BOC: variants seen among roughly 807,000 people sequenced by gnomAD.
The protein encoded by BOC is brother of CDO.
In BOC, 76 loss-of-function variants were observed where a neutral mutation model predicts 112.0. The observed-to-expected ratio is 0.68, with a 90% CI of 0.56 to 0.82. The LOEUF is 0.82. BOC is among the 40% of genes least tolerant of loss of function. The pLI is 0.00. For missense variants in BOC, 1,309 were observed against 1,511.7 expected, an observed-to-expected ratio of 0.87 and a Z score of 2.22; for synonymous variants, 580 against 599.8, an observed-to-expected ratio of 0.97 and a Z score of 0.48.
chr3:113,266,301 C>T (rs538844885), intron 4 of BOC, among the ~76,000 whole-genome samples: 122 of 152,268 alleles, frequency 8.0e-4, no homozygotes, highest in African/African-American at 2.7e-3. Context: ...GTGAAATAAG[C>T]ACATCATGGA....
At chr3:113,268,625 G>A (rs1947781220) in intron 5 of BOC, among the ~76,000 whole-genome samples, 180 bp downstream of exon 5, 2 of 152,054 alleles carry the variant, frequency 1.3e-5, no homozygotes, top group Admixed American at 1.3e-4. Context: ...TTCCTTTTAA[G>A]AGACAGGATC....
chr3:113,245,970 T>C (rs1029560466), intron 2 of BOC, among the ~76,000 whole-genome samples: 1 of 152,198 alleles, frequency 6.6e-6, no homozygotes, highest in Non-Finnish European at 1.5e-5. Context: ...CCAGCCCTCT[T>C]GGGAGGAAGT....
In BOC at chr3:113,266,215, TTGTG is replaced by T. The variant is rs144065459; in HGVS notation, c.377-2073_377-2070del. Among the ~76,000 whole-genome samples, 11 of 152,102 alleles carry T rather than the reference TTGTG, an allele frequency of 7.2e-5. No individual in the cohort carries two copies. The South Asian group carries it at 2.3e-3, about 32-fold the overall frequency. ...GCCAATCTCTGTTTTTTGTTAAGTT[TTGTG>T]TGTGTGTGTGGGTACATAGTATGTG... On this transcript the variant is annotated intron_variant, in intron 4 of 19. Coordinates refer to ENST00000682979, the MANE Select transcript of BOC (RefSeq NM_001378074.1).
chr3:113,232,068 G>T (rs1942700631), intron 2 of BOC, among the ~76,000 whole-genome samples: 1 of 152,046 alleles, frequency 6.6e-6, no homozygotes, highest in African/African-American at 2.4e-5. Context: ...CTTTGCAACT[G>T]GTGGAGCCTA....
chr3:113,282,210 T>C (rs1357179474), intron 15 of BOC, among the ~76,000 whole-genome samples: 1 of 151,964 alleles, frequency 6.6e-6, no homozygotes, highest in African/African-American at 2.4e-5. Flanking sequence ...CTGGAGGCTG[T>C]GAGGTGGAGG....
At chr3:113,259,088 TC>T (rs1946534661) in intron 4 of BOC, among the ~76,000 whole-genome samples, 1 of 152,160 alleles carries the variant, frequency 6.6e-6, no homozygotes, top group South Asian at 2.1e-4. Flanking sequence ...CCCAGACAGA[TC>T]CGTGGTGTAA....
chr3:113,237,167 CAT>C (rs1313025714), intron 2 of BOC, among the ~76,000 whole-genome samples: 1 of 152,126 alleles, frequency 6.6e-6, no homozygotes, highest in Non-Finnish European at 1.5e-5. Context: ...GTTTTGATAA[CAT>C]ATAAAATGGA....
Position 113,283,861 on chromosome 3 carries a change from C to T in BOC, c.2656+229C>T, listed in dbSNP as rs58508288. Among the ~76,000 whole-genome samples the T allele has an allele frequency of 5.8e-3, 875 of 151,772 alleles. 6 individuals are homozygous for T. The highest frequency in any genetic ancestry group is 0.02 in the African/African-American group (836 of 41,368). ...CTGTCTTCTCTGCACCTTTGGAGCTCGGGACCTATGTTGTGCCATCTTCTG... is the reference window on the plus strand; with the variant it reads ...CTGTCTTCTCTGCACCTTTGGAGCTTGGGACCTATGTTGTGCCATCTTCTG... On this transcript the variant is annotated intron_variant, in intron 16 of 19. Coordinates refer to ENST00000682979, the MANE Select transcript of BOC (RefSeq NM_001378074.1).
At chr3:113,259,061 T>C (rs1253304303) in intron 4 of BOC, among the ~76,000 whole-genome samples, 1 of 152,226 alleles carries the variant, frequency 6.6e-6, no homozygotes, top group South Asian at 2.1e-4. Flanking sequence ...CTAGTCCTAT[T>C]AGCCCTGGTG....
chr3:113,284,572 C>T lies in BOC; in HGVS notation c.2889+5C>T, dbSNP rs762844014. On this transcript the variant is annotated splice_donor_5th_base_variant and intron_variant, in intron 17 of 19. Coordinates refer to ENST00000682979, the MANE Select transcript of BOC (RefSeq NM_001378074.1). Reference sequence around the variant, plus strand: ...TGCCCAGGCGAGCTTCAGCAGGTAGCGCATTCTTGGGTGTGGGCGGCAGGT... The same window carrying T: ...TGCCCAGGCGAGCTTCAGCAGGTAGTGCATTCTTGGGTGTGGGCGGCAGGT... The T allele has an allele frequency of 1.8e-5, 29 of 1,608,544 alleles. No homozygotes were observed. The highest frequency in any genetic ancestry group is 3.3e-5 in the South Asian group (3 of 90,410).
intron 4 of BOC, among the ~76,000 whole-genome samples, chr3:113,259,603 G>T (rs1946596174): frequency 6.6e-6 from 1 of 152,114 alleles, no homozygotes; most frequent in East Asian, 1.9e-4. Flanking sequence ...TTTCTACTTT[G>T]ACTTTGTTTT....
intron 4 of BOC, among the ~76,000 whole-genome samples, chr3:113,263,937 A>C (rs577828417): frequency 2.0e-5 from 3 of 152,352 alleles, no homozygotes; most frequent in African/African-American, 7.2e-5. Flanking sequence ...TTGAATGTGA[A>C]GAGAACACAG....
chr3:113,256,737 A>G (rs1946264188), intron 4 of BOC, among the ~76,000 whole-genome samples: 1 of 151,724 alleles, frequency 6.6e-6, no homozygotes, highest in Non-Finnish European at 1.5e-5. Flanking sequence ...CCAGAGAAGC[A>G]GAACCAATAA....
At chr3:113,261,415 C>G (rs914224884) in intron 4 of BOC, among the ~76,000 whole-genome samples, 3 of 151,904 alleles carry the variant, frequency 2.0e-5, no homozygotes, top group Admixed American at 1.3e-4. Context: ...TATTTTTTTT[C>G]TAACTATTTC....
intron 15 of BOC, among the ~76,000 whole-genome samples, chr3:113,282,944 C>T (rs1156461726): frequency 2.6e-5 from 4 of 152,112 alleles, no homozygotes; most frequent in African/African-American, 7.2e-5. Flanking sequence ...CTCGTGAGTC[C>T]GGGAACACCT....
rs536540046 is a variant in BOC at position 113,250,797 on chromosome 3, G to T, written c.340G>T (p.Ala114Ser). The T allele has an allele frequency of 6.2e-7, 1 of 1,613,858 alleles. No individual in the cohort carries two copies. Among genetic ancestry groups the T allele is most frequent in the East Asian group, 2.2e-5 (1 of 44,880 alleles). ...YQCVARMPAG[A>S]VASVPATVTL... is the part of the protein sequence containing the mutation. ...GTGTGTGGCCCGGATGCCTGCGGGG[G>T]CTGTGGCCAGCGTGCCAGCCACTGT... The change falls in exon 4 of 20, where the codon GCT (alanine) becomes TCT (serine). Residue 114 changes from alanine (A) to serine (S), a missense_variant. Physicochemically the swap from Ala to Ser is moderately conservative, Grantham distance 99. Transcript: ENST00000682979.
Position 113,249,719 on chromosome 3 carries a change from C to A in BOC, c.-81-3C>A. 4.3e-6 allele frequency: 5 copies of A among 1,159,366 alleles called. No homozygotes were observed. The highest frequency in any genetic ancestry group is 2.4e-5 in the East Asian group (1 of 40,942). The allele number at this position is 1,159,366 out of a possible 1,614,324, so 71.8% of individuals were successfully genotyped here. A position where few individuals can be genotyped will look rare whatever the true frequency, so the allele number is the denominator to read the frequency against. ...ATTGCTCTCCCTTTCTCTCTTACAA[C>A]AGAGTGTTGCCAGGGACGGCAGTAT... On this transcript the variant is annotated splice_polypyrimidine_tract_variant and splice_region_variant and intron_variant, in intron 2 of 19. Coordinates refer to ENST00000682979, the MANE Select transcript of BOC (RefSeq NM_001378074.1).
intron 2 of BOC, among the ~76,000 whole-genome samples, chr3:113,235,574 C>T (rs1299685238): frequency 6.6e-6 from 1 of 152,146 alleles, no homozygotes; most frequent in East Asian, 1.9e-4. Context: ...TTGTCATTAT[C>T]ATCAAGAGTG....
At chr3:113,284,299 T>A in intron 16 of BOC, 36 bp from the exon 17 acceptor site, 1 of 1,579,812 alleles carries the variant, frequency 6.3e-7, no homozygotes, top group Non-Finnish European at 8.7e-7. Flanking sequence ...CGGGCTACCT[T>A]GGCCTAAGCA....
Sources: allele counts gnomAD v4.1 joint callset (sites outside exome capture counted in the v4.1 genomes callset), GRCh38; gene constraint gnomAD v4.1.1; transcripts MANE v1.5; gene names NCBI Gene and HGNC (gene_info 2026-07-23, HGNC 2026-07-21).